VTI1A: variants seen among roughly 807,000 people sequenced by gnomAD.
The protein encoded by VTI1A is vesicle transport through interaction with t-SNAREs 1A, also known as vesicle transport through interaction with t-SNAREs homolog 1A.
A neutral mutation model predicts 34.9 loss-of-function variants in VTI1A; 22 were observed. That is an observed-to-expected ratio of 0.63 (90% CI 0.45 to 0.90). The LOEUF (loss-of-function observed/expected upper bound fraction) is 0.90. VTI1A is among the 40% of genes least tolerant of loss of function. The pLI, the probability that VTI1A is intolerant of heterozygous loss-of-function variation, is 0.00. For synonymous variants in VTI1A, 87 were observed against 97.3 expected, an observed-to-expected ratio of 0.89 and a Z score of 0.62; for missense variants, 268 against 275.6, an observed-to-expected ratio of 0.97 and a Z score of 0.20.
At chr10:112,749,620 A>G (rs1851031420) in intron 7 of VTI1A, among the ~76,000 whole-genome samples, 1 of 152,194 alleles carries the variant, frequency 6.6e-6, no homozygotes, top group African/African-American at 2.4e-5. Flanking sequence ...AGGCAGAGCT[A>G]CTTAGTAAAG....
At chr10:112,468,607 C>T (rs913977101) in intron 3 of VTI1A, among the ~76,000 whole-genome samples, 3 of 152,130 alleles carry the variant, frequency 2.0e-5, no homozygotes, top group Non-Finnish European at 2.9e-5. Context: ...CACTTGCTTT[C>T]TTTCCCCAGC....
chr10:112,682,446 ATTTTTAGT>A (rs1255074066), intron 7 of VTI1A, among the ~76,000 whole-genome samples: 2 of 152,158 alleles, frequency 1.3e-5, no homozygotes, highest in Admixed American at 6.5e-5. Context: ...ACCAATCTTC[ATTTTTAGT>A]AGTGGGCAAC....
intron 3 of VTI1A, among the ~76,000 whole-genome samples, chr10:112,512,536 A>G (rs1010330089): frequency 2.0e-5 from 3 of 152,090 alleles, no homozygotes; most frequent in Non-Finnish European, 4.4e-5. Context: ...GCTGTGCAGA[A>G]GCTTTTTAGC....
chr10:112,779,628 T>C (rs192277727), intron 7 of VTI1A, among the ~76,000 whole-genome samples: 1 of 152,194 alleles, frequency 6.6e-6, no homozygotes, highest in Non-Finnish European at 1.5e-5. Flanking sequence ...CATCCCACTA[T>C]TCAAAAAAAT....
intron 5 of VTI1A, among the ~76,000 whole-genome samples, chr10:112,629,307 G>GC (rs35655047): frequency 0.71 from 107,640 of 152,160 alleles, 38,401 homozygotes; most frequent in East Asian, 0.81. Context: ...TTATGACCAG[G>GC]CCCTGAAGGG....
chr10:112,577,619 G>A (rs2134387373), intron 5 of VTI1A, among the ~76,000 whole-genome samples: 1 of 152,320 alleles, frequency 6.6e-6, no homozygotes, highest in African/African-American at 2.4e-5. Flanking sequence ...AAAAAGTTGT[G>A]TTCAATAGCT....
At chr10:112,666,860 A>G (rs1343961919) in intron 5 of VTI1A, among the ~76,000 whole-genome samples, 1 of 152,280 alleles carries the variant, frequency 6.6e-6, no homozygotes, top group Non-Finnish European at 1.5e-5. Context: ...ACTGTGCTAA[A>G]TATTGTAACT....
chr10:112,740,236 C>G (rs1053243537), intron 7 of VTI1A, among the ~76,000 whole-genome samples: 5 of 152,190 alleles, frequency 3.3e-5, no homozygotes, highest in Non-Finnish European at 7.3e-5. Flanking sequence ...TTGGTGTTCA[C>G]AAATACTGGC....
chr10:112,777,703 G>A (rs527636593), intron 7 of VTI1A, among the ~76,000 whole-genome samples: 22 of 152,244 alleles, frequency 1.4e-4, no homozygotes, highest in Non-Finnish European at 2.8e-4. Context: ...TCCGTTTCCC[G>A]GACATTGTGG....
intron 5 of VTI1A, among the ~76,000 whole-genome samples, chr10:112,599,824 T>C (rs1008631725): frequency 1.3e-5 from 2 of 152,162 alleles, no homozygotes; most frequent in Admixed American, 6.5e-5. Flanking sequence ...AAGGATGATC[T>C]TGCCTCGGCT....
chr10:112,681,528 CAT>C (rs1277867552), intron 7 of VTI1A, among the ~76,000 whole-genome samples: 35 of 152,220 alleles, frequency 2.3e-4, no homozygotes, highest in African/African-American at 8.2e-4. Context: ...ATATTTTTGA[CAT>C]GTGAAAAATT....
chr10:112,803,222 C>T (rs1173721091), intron 7 of VTI1A, among the ~76,000 whole-genome samples: 1 of 152,158 alleles, frequency 6.6e-6, no homozygotes, highest in Non-Finnish European at 1.5e-5. Flanking sequence ...GTATGTGCCA[C>T]CATGCCCGGC....
intron 7 of VTI1A, among the ~76,000 whole-genome samples, chr10:112,718,892 G>T (rs943001133): frequency 3.3e-5 from 5 of 152,188 alleles, no homozygotes; most frequent in African/African-American, 1.2e-4. Context: ...ACAGTCGACT[G>T]CACTGTAATG....
intron 7 of VTI1A, among the ~76,000 whole-genome samples, chr10:112,718,002 C>T (rs1228192291): frequency 1.3e-5 from 2 of 152,158 alleles, no homozygotes; most frequent in Admixed American, 6.5e-5. Flanking sequence ...AATCCAAGGC[C>T]TCAGTGCACA....
At chr10:112,628,361 A>G (rs1009433371) in intron 5 of VTI1A, among the ~76,000 whole-genome samples, 1 of 152,196 alleles carries the variant, frequency 6.6e-6, no homozygotes, top group African/African-American at 2.4e-5. Context: ...AGGTTATTGT[A>G]AGTATTTGAA....
At chr10:112,799,711 C>T (rs1196719550) in intron 7 of VTI1A, among the ~76,000 whole-genome samples, 1 of 152,132 alleles carries the variant, frequency 6.6e-6, no homozygotes, top group Non-Finnish European at 1.5e-5. Context: ...ACCCAGAGTT[C>T]ACCTGCGCAG....
At chr10:112,597,861 C>A (rs561238270) in intron 5 of VTI1A, among the ~76,000 whole-genome samples, 1 of 151,746 alleles carries the variant, frequency 6.6e-6, no homozygotes, top group African/African-American at 2.4e-5. Context: ...CCACGCCCGG[C>A]TAATTTTTTG....
chr10:112,811,416 C>A (rs767133189), intron 7 of VTI1A, among the ~76,000 whole-genome samples: 1 of 152,074 alleles, frequency 6.6e-6, no homozygotes, highest in Non-Finnish European at 1.5e-5. Context: ...GAGTGCAGAC[C>A]GGGCGCGGTG....
intron 7 of VTI1A, among the ~76,000 whole-genome samples, chr10:112,793,005 G>A (rs911611035): frequency 3.3e-5 from 5 of 152,248 alleles, no homozygotes; most frequent in South Asian, 2.1e-4. Context: ...TCCTTGCCTC[G>A]CCTGGCTCTG....
Sources: gnomAD v4.1 joint callset for allele counts (sites outside exome capture counted in the v4.1 genomes callset) on GRCh38, gnomAD v4.1.1 for gene constraint, MANE v1.5 for transcripts, NCBI Gene and HGNC (gene_info 2026-07-23, HGNC 2026-07-21) for gene names.